MPDZ: variants seen among roughly 807,000 people sequenced by gnomAD.
MPDZ encodes the protein multiple PDZ domain crumbs cell polarity complex component.
A neutral mutation model predicts 239.1 loss-of-function variants in MPDZ; 234 were observed. The observed-to-expected ratio is 0.98, with a 90% CI of 0.88 to 1.09. MPDZ has a LOEUF of 1.09. Ranked by LOEUF, MPDZ falls within the 50% of genes least tolerant of loss-of-function variation. MPDZ has a pLI of 0.00. For synonymous variants in MPDZ, 1,048 were observed against 881.3 expected (o/e 1.19, Z -3.35); for missense variants, 3,175 against 2,510.0 (o/e 1.26, Z -5.66).
At chr9:13,142,828 G>T (rs541096449) in intron 27 of MPDZ, among the ~76,000 whole-genome samples, 3 of 152,070 alleles carry the variant, frequency 2.0e-5, no homozygotes, top group Non-Finnish European at 4.4e-5. Context: ...GAAAAAAATT[G>T]TTGATGGCTT....
intron 30 of MPDZ, 39 bp from the exon 31 acceptor site, chr9:13,136,221 G>T: frequency 1.5e-6 from 2 of 1,373,220 alleles, no homozygotes; most frequent in Non-Finnish European, 2.0e-6. Context: ...TAACATCATG[G>T]TATTATTTTC....
At chr9:13,214,179 T>C (rs1035955975) in intron 10 of MPDZ, among the ~76,000 whole-genome samples, 5 of 152,002 alleles carry the variant, frequency 3.3e-5, no homozygotes, top group Admixed American at 3.3e-4. Flanking sequence ...CGAATGTCCA[T>C]CAATTGATGA....
intron 10 of MPDZ, among the ~76,000 whole-genome samples, chr9:13,210,540 T>C (rs1374453123): frequency 6.6e-6 from 1 of 151,982 alleles, no homozygotes; most frequent in East Asian, 1.9e-4. Flanking sequence ...TTGTGTCTAA[T>C]GCCATCAGGA....
At chr9:13,128,932 G>A (rs550781333) in intron 32 of MPDZ, among the ~76,000 whole-genome samples, 5 of 152,274 alleles carry the variant, frequency 3.3e-5, no homozygotes, top group Admixed American at 2.0e-4. Context: ...ACGGGCTCTC[G>A]ATGACACTGT....
At chr9:13,139,908 T>C (rs756152367) in intron 28 of MPDZ, 79 bp downstream of exon 28, 12 of 1,540,736 alleles carry the variant, frequency 7.8e-6, no homozygotes, top group African/African-American at 1.4e-5. Context: ...TACTTACTTA[T>C]CCAGGGCGAA....
At chr9:13,230,301 G>C (rs903907574) in intron 3 of MPDZ, among the ~76,000 whole-genome samples, 4 of 152,000 alleles carry the variant, frequency 2.6e-5, no homozygotes, top group African/African-American at 9.7e-5. Flanking sequence ...TGCACTCCTG[G>C]ATATTTATTG....
chr9:13,181,703 T>C (rs1254412648), intron 19 of MPDZ, among the ~76,000 whole-genome samples: 2 of 152,182 alleles, frequency 1.3e-5, no homozygotes, highest in African/African-American at 4.8e-5. Flanking sequence ...GCCAATATGT[T>C]GTGCTGCATA....
chr9:13,117,843 C>A, intron 39 of MPDZ, among the ~76,000 whole-genome samples: 1 of 131,606 alleles, frequency 7.6e-6, no homozygotes, highest in African/African-American at 2.8e-5. Flanking sequence ...TTCAGATTAG[C>A]TTTTTTTTTT....
chr9:13,264,656 T>TA (rs201009628), intron 1 of MPDZ, among the ~76,000 whole-genome samples: 3,646 of 132,814 alleles, frequency 0.027, 46 homozygotes, highest in Middle Eastern at 0.068. Flanking sequence ...ACCCATAATT[T>TA]AAAAAAAAAA....
Position 13,165,345 on chromosome 9 carries a change from C to G in MPDZ, c.3255-2550G>C, listed in dbSNP as rs376415417. 59 of 1,547,858 alleles carry G rather than the reference C, an allele frequency of 3.8e-5. No individual in the cohort carries two copies. The South Asian group carries it at 6.1e-4, about 16-fold the overall frequency. The stretch of plus-strand genomic sequence containing the variant: ...AGTTGTAACACACAGCCATAATGAG[C>G]TTTCGAATCACTGATACTCACACAT... On this transcript the variant is annotated intron_variant, in intron 22 of 46. Transcript: ENST00000319217.
chr9:13,258,672 C>A (rs1969987722), intron 1 of MPDZ, among the ~76,000 whole-genome samples: 1 of 152,136 alleles, frequency 6.6e-6, no homozygotes. Context: ...AGTCATCCAA[C>A]AGAAATCACT....
Position 13,109,948 on chromosome 9 carries a change from T to G in MPDZ, c.5942+4A>C. The G allele has an allele frequency of 6.2e-7, 1 of 1,607,958 alleles. No individual in the cohort carries two copies. The highest frequency in any genetic ancestry group is 8.5e-7 in the Non-Finnish European group (1 of 1,176,000). On this transcript the variant is annotated splice_donor_region_variant and intron_variant, in intron 45 of 46. Coordinates refer to ENST00000319217, the MANE Select transcript of MPDZ (RefSeq NM_001378778.1). ...GATACACTAATCATCATGTATGAACTCACCCTAAATCATCCTGAAATATAC... is the reference window on the plus strand; with the variant it reads ...GATACACTAATCATCATGTATGAACGCACCCTAAATCATCCTGAAATATAC...
intron 32 of MPDZ, among the ~76,000 whole-genome samples, chr9:13,130,958 A>T (rs1359265032): frequency 6.6e-6 from 1 of 152,206 alleles, no homozygotes; most frequent in Admixed American, 6.5e-5. Context: ...TTCCAGCTCT[A>T]CTATTTGGAG....
intron 31 of MPDZ, chr9:13,134,183 G>C (rs1391652292): frequency 6.1e-6 from 1 of 165,218 alleles, no homozygotes; most frequent in Non-Finnish European, 1.3e-5. Context: ...GATAGACCAA[G>C]TGGCTTGAAG....
chr9:13,222,181 A>C lies in MPDZ; in HGVS notation c.747+52T>G, dbSNP rs949625588. 2.7e-6 allele frequency: 4 copies of C among 1,500,374 alleles called. No homozygotes were observed. In the African/African-American group the frequency reaches 4.2e-5, roughly 16 times the overall value. The allele number at this position is 1,500,374 out of a possible 1,614,324, so 92.9% of individuals were successfully genotyped here. A position where few individuals can be genotyped will look rare whatever the true frequency, so the allele number is the denominator to read the frequency against. ...CAAATTAGAAACTTGGAGATAACCAAAAACAACTTGAAAAATACGTTCTGT... is the reference window on the plus strand; with the variant it reads ...CAAATTAGAAACTTGGAGATAACCACAAACAACTTGAAAAATACGTTCTGT... On this transcript the variant is annotated intron_variant, in intron 6 of 46. Transcript: ENST00000319217.
chr9:13,136,069 A>T (rs775070015), intron 31 of MPDZ, 23 bp downstream of exon 31: 2 of 1,478,418 alleles, frequency 1.4e-6, no homozygotes, highest in Non-Finnish European at 1.9e-6. Flanking sequence ...CTTCCCAGAG[A>T]AACAAACATA....
intron 3 of MPDZ, among the ~76,000 whole-genome samples, chr9:13,232,404 A>G (rs1269635233): frequency 3.3e-5 from 5 of 152,190 alleles, no homozygotes; most frequent in Non-Finnish European, 7.4e-5. Context: ...ATTTACAACA[A>G]TAGTGACAAT....
rs188715583 is a variant in MPDZ, at chr9:13,236,845, C to T, written c.183+10790G>A. ...CGCTCCTACAATGAAGTAGAACGTA[C>T]CAGGATGTTTTACCTCTCCCCTGAG... On this transcript the variant is annotated intron_variant, in intron 3 of 46. Coordinates refer to ENST00000319217, the MANE Select transcript of MPDZ (RefSeq NM_001378778.1). Among the ~76,000 whole-genome samples, 58 of 151,346 alleles carry T rather than the reference C, an allele frequency of 3.8e-4. No individual in the cohort carries two copies. In the East Asian group the frequency reaches 0.011, roughly 30 times the overall value.
chr9:13,119,728 T>C (rs1018275214), intron 38 of MPDZ, 79 bp from the exon 39 acceptor site: 5 of 1,563,890 alleles, frequency 3.2e-6, no homozygotes, highest in African/African-American at 2.7e-5. Context: ...GTTACGTTTT[T>C]ACCCAAAATT....
Sources: gnomAD v4.1 joint callset for allele counts (sites outside exome capture counted in the v4.1 genomes callset) on GRCh38, gnomAD v4.1.1 for gene constraint, MANE v1.5 for transcripts, NCBI Gene and HGNC (gene_info 2026-07-23, HGNC 2026-07-21) for gene names.